Variants in MUSK observed in about 807,000 individuals in gnomAD.
The protein encoded by MUSK is muscle associated receptor tyrosine kinase.
A neutral mutation model predicts 88.7 loss-of-function variants in MUSK; 55 were observed. The ratio of observed to expected loss-of-function variants is 0.62; its 90% CI spans 0.50 to 0.78. The LOEUF is 0.78. MUSK is among the 30% of genes least tolerant of loss of function. The probability of loss-of-function intolerance (pLI) is 0.00; values close to 1 mark genes in which losing one functional copy is unlikely to be tolerated. For missense variants in MUSK, 1,015 were observed against 1,074.3 expected (o/e 0.94, Z 0.77); for synonymous variants, 387 against 391.9 (o/e 0.99, Z 0.15).
intron 1 of MUSK, among the ~76,000 whole-genome samples, chr9:110,669,532 A>G (rs1335928336): frequency 6.6e-6 from 1 of 152,210 alleles, no homozygotes; most frequent in Admixed American, 6.6e-5. Context: ...TGGATTTTAA[A>G]TAACTTTGAG....
chr9:110,755,991 T>TATAC (rs2077319253), intron 7 of MUSK, among the ~76,000 whole-genome samples: 5 of 119,670 alleles, frequency 4.2e-5, no homozygotes, highest in East Asian at 3.2e-4. Flanking sequence ...TATATATATA[T>TATAC]ATATATGAAT....
intron 5 of MUSK, among the ~76,000 whole-genome samples, chr9:110,701,680 T>A (rs957258177): frequency 0.092 from 824 of 8,914 alleles, 354 homozygotes; most frequent in African/African-American, 0.44. Context: ...ATTTTATTTT[T>A]TTTACTTTAC....
At chr9:110,689,265 G>C (rs868335267) in intron 3 of MUSK, among the ~76,000 whole-genome samples, 2 of 109,574 alleles carry the variant, frequency 1.8e-5, no homozygotes, top group East Asian at 2.5e-4. Flanking sequence ...TTTATATATT[G>C]TATAGTTATA....
At chr9:110,729,359 A>C (rs2076935266) in intron 5 of MUSK, among the ~76,000 whole-genome samples, 1 of 149,506 alleles carries the variant, frequency 6.7e-6, no homozygotes, top group African/African-American at 2.4e-5. Context: ...AAAGAAAAAA[A>C]AAAAAGGTAC....
intron 1 of MUSK, among the ~76,000 whole-genome samples, chr9:110,670,406 G>A (rs1402268256): frequency 6.6e-6 from 1 of 152,014 alleles, no homozygotes; most frequent in Non-Finnish European, 1.5e-5. Context: ...AAAAATGATA[G>A]GGTTAAATAC....
chr9:110,788,559 G>C (rs540907775), intron 14 of MUSK, among the ~76,000 whole-genome samples: 3 of 151,906 alleles, frequency 2.0e-5, no homozygotes. Flanking sequence ...TTACACCGGG[G>C]GGGCAGAGGT....
chr9:110,785,471 A>G (rs2077839691), intron 12 of MUSK, 56 bp from the exon 13 acceptor site: 15 of 1,382,620 alleles, frequency 1.1e-5, no homozygotes, highest in Non-Finnish European at 1.4e-5. Flanking sequence ...AAGTCTAAGT[A>G]CAAAGATCTA....
intron 1 of MUSK, among the ~76,000 whole-genome samples, chr9:110,675,561 C>T (rs2076016003): frequency 1.0e-5 from 1 of 96,454 alleles, no homozygotes; most frequent in Non-Finnish European, 2.2e-5. Flanking sequence ...AATAGTCTTC[C>T]CTTTTTTTTT....
chr9:110,723,150 A>G (rs2076836008), intron 5 of MUSK, among the ~76,000 whole-genome samples: 1 of 151,916 alleles, frequency 6.6e-6, no homozygotes, highest in Non-Finnish European at 1.5e-5. Flanking sequence ...TCAATCAACC[A>G]GTGGATAAAG....
intron 3 of MUSK, among the ~76,000 whole-genome samples, chr9:110,690,771 T>C (rs1360014804): frequency 1.2e-5 from 1 of 86,614 alleles, no homozygotes; most frequent in African/African-American, 5.1e-5. Flanking sequence ...TAAATATATA[T>C]ATTTAAATAT....
intron 14 of MUSK, among the ~76,000 whole-genome samples, chr9:110,798,843 G>T (rs1012205963): frequency 2.0e-5 from 3 of 151,956 alleles, no homozygotes; most frequent in African/African-American, 7.3e-5. Flanking sequence ...ATATATAATT[G>T]TTCATAATAA....
chr9:110,699,641 G>A (rs1034398628), intron 5 of MUSK, among the ~76,000 whole-genome samples: 3 of 151,988 alleles, frequency 2.0e-5, no homozygotes, highest in Non-Finnish European at 4.4e-5. Flanking sequence ...TTAAAAAAAA[G>A]CAACTGAGAA....
intron 1 of MUSK, among the ~76,000 whole-genome samples, chr9:110,676,334 A>C (rs1210835716): frequency 1.5e-5 from 2 of 136,398 alleles, no homozygotes; most frequent in Non-Finnish European, 3.3e-5. Flanking sequence ...ATATATACAC[A>C]TACACACACA....
At chr9:110,762,834 G>A (rs752068478) in intron 8 of MUSK, among the ~76,000 whole-genome samples, 4 of 152,090 alleles carry the variant, frequency 2.6e-5, no homozygotes, top group Non-Finnish European at 5.9e-5. Flanking sequence ...CATAGCCTAC[G>A]TTTAAAAACA....
chr9:110,753,524 A>G (rs2077274176), intron 7 of MUSK, among the ~76,000 whole-genome samples: 1 of 152,028 alleles, frequency 6.6e-6, no homozygotes, highest in Non-Finnish European at 1.5e-5. Context: ...TGGCACCAAC[A>G]GGTCCTTCAT....
intron 14 of MUSK, among the ~76,000 whole-genome samples, chr9:110,789,609 T>C (rs1484433748): frequency 6.6e-6 from 1 of 152,090 alleles, no homozygotes; most frequent in African/African-American, 2.4e-5. Flanking sequence ...TGAAACCCCA[T>C]CTCTACTAAA....
chr9:110,776,076 T>G, intron 10 of MUSK, 113 bp downstream of exon 10: 2 of 1,181,904 alleles, frequency 1.7e-6, no homozygotes, highest in Non-Finnish European at 2.4e-6. Flanking sequence ...AATTTTTTTT[T>G]TTTGAGTTCT....
chr9:110,800,824 C>T lies in MUSK; in HGVS notation c.2446C>T (p.Arg816Ter), dbSNP rs1487680236. The change falls in exon 15 of 15, where the codon CGA (arginine) becomes TGA (stop). Residue 816 changes from arginine to a stop codon, truncating the protein, a stop_gained. Coordinates refer to ENST00000374448, the MANE Select transcript of MUSK (RefSeq NM_005592.4). LOFTEE classifies it high-confidence loss of function. ...MAHEEVIYYV[R>*]DGNILSCPEN... Reference sequence around the variant, plus strand: ...CCATGAGGAGGTCATTTACTACGTGCGAGATGGCAACATCCTCTCCTGCCC... The same window carrying T: ...CCATGAGGAGGTCATTTACTACGTGTGAGATGGCAACATCCTCTCCTGCCC... The T allele has an allele frequency of 3.7e-6, 6 of 1,612,422 alleles. No individual in the cohort carries two copies. Among genetic ancestry groups the T allele is most frequent in the Non-Finnish European group, 5.1e-6 (6 of 1,178,766 alleles).
intron 5 of MUSK, among the ~76,000 whole-genome samples, chr9:110,725,502 T>C (rs184344543): frequency 7.2e-4 from 109 of 152,142 alleles, no homozygotes; most frequent in African/African-American, 2.5e-3. Context: ...ACTATTTACC[T>C]TGGATGTTGA....
Sources: allele counts gnomAD v4.1 joint callset (sites outside exome capture counted in the v4.1 genomes callset), GRCh38; gene constraint gnomAD v4.1.1; transcripts MANE v1.5; gene names NCBI Gene and HGNC (gene_info 2026-07-23, HGNC 2026-07-21).